The following NR3C2 variants were observed in gnomAD, a reference collection of about 807,000 sequenced individuals.
The protein encoded by NR3C2 is mineralocorticoid receptor.
In NR3C2, 15 loss-of-function variants were observed where a neutral mutation model predicts 86.4. The ratio of observed to expected loss-of-function variants is 0.17; its 90% CI spans 0.12 to 0.27. NR3C2 has a LOEUF of 0.27. NR3C2 is among the 10% of genes least tolerant of loss of function. The probability of loss-of-function intolerance (pLI) is 1.00; values close to 1 mark genes in which losing one functional copy is unlikely to be tolerated. For missense variants in NR3C2, 960 were observed against 1,195.6 expected, an observed-to-expected ratio of 0.80 and a Z score of 2.91; for synonymous variants, 458 against 450.5, an observed-to-expected ratio of 1.02 and a Z score of -0.21.
chr4:148,105,154 G>A (rs191969618), intron 8 of NR3C2, among the ~76,000 whole-genome samples: 9 of 152,158 alleles, frequency 5.9e-5, no homozygotes, highest in Non-Finnish European at 1.2e-4. Context: ...CTAATTATAT[G>A]AACTATGACT....
At chr4:148,297,022 A>C (rs1418828316) in intron 2 of NR3C2, among the ~76,000 whole-genome samples, 1 of 152,230 alleles carries the variant, frequency 6.6e-6, no homozygotes, top group East Asian at 1.9e-4. Flanking sequence ...GCTCAGTTGC[A>C]CTAGCTACAT....
At position 148,436,029 on chromosome 4, in the gene NR3C2, G is replaced by A. The variant is rs201919373; in HGVS notation, c.832C>T (p.His278Tyr). Reference sequence around the variant, plus strand: ...GAGACTGGAGATTTTACACTGCAGTGACTTGGAGGGCTGGAAATTGAGGAT... The same window carrying A: ...GAGACTGGAGATTTTACACTGCAGTAACTTGGAGGGCTGGAAATTGAGGAT... ...MKSSISSPPSHCSVKSPVSSP... is the reference protein window; with the variant it reads ...MKSSISSPPSYCSVKSPVSSP... Residue 278 changes from histidine (H) to tyrosine (Y), a missense_variant, in exon 2 of 9, where the codon CAC becomes TAC. Transcript: ENST00000358102. The A allele has an allele frequency of 6.2e-7, 1 of 1,614,180 alleles. No homozygotes were observed. The highest frequency in any genetic ancestry group is 2.2e-5 in the East Asian group (1 of 44,882).
At chr4:148,199,771 C>T (rs953421780) in intron 3 of NR3C2, among the ~76,000 whole-genome samples, 2 of 152,134 alleles carry the variant, frequency 1.3e-5, no homozygotes, top group Non-Finnish European at 2.9e-5. Flanking sequence ...AAACATAGTC[C>T]ATTTCTTCCA....
chr4:148,131,417 T>C (rs1293128897), intron 6 of NR3C2, among the ~76,000 whole-genome samples: 1 of 152,016 alleles, frequency 6.6e-6, no homozygotes, highest in Admixed American at 6.6e-5. Context: ...AAAAACAGCA[T>C]GCAGAAAAAC....
chr4:148,308,615 G>A (rs931432421), intron 2 of NR3C2, among the ~76,000 whole-genome samples: 1 of 152,132 alleles, frequency 6.6e-6, no homozygotes, highest in African/African-American at 2.4e-5. Context: ...GGAGAGATTT[G>A]TTAAAGGATA....
At chr4:148,376,686 A>C (rs1326866372) in intron 2 of NR3C2, among the ~76,000 whole-genome samples, 1 of 152,236 alleles carries the variant, frequency 6.6e-6, no homozygotes, top group African/African-American at 2.4e-5. Context: ...CTGCCGTCCA[A>C]GGGCAGCTAA....
intron 8 of NR3C2, among the ~76,000 whole-genome samples, chr4:148,087,228 T>A (rs1305830539): frequency 6.6e-6 from 1 of 151,846 alleles, no homozygotes; most frequent in Non-Finnish European, 1.5e-5. Context: ...AAGGACATCT[T>A]CAAGTCTCAA....
At chr4:148,354,569 A>G (rs1011252112) in intron 2 of NR3C2, among the ~76,000 whole-genome samples, 4 of 152,204 alleles carry the variant, frequency 2.6e-5, no homozygotes, top group African/African-American at 9.7e-5. Flanking sequence ...TTGTATTAAC[A>G]AAATGAATTA....
intron 2 of NR3C2, among the ~76,000 whole-genome samples, chr4:148,305,268 C>G (rs140726134): frequency 0.013 from 1,920 of 152,080 alleles, 40 homozygotes; most frequent in African/African-American, 0.044. Flanking sequence ...CTTTTGGGTC[C>G]AGGAAGAAAT....
rs140795554 is a variant in NR3C2 at position 148,224,447 on chromosome 4, A to G, written c.1898-29585T>C. ...CAAGCACTAAATAAATGTTTGTCAC[A>G]TAAGTGTGCAGAATGTTTCTCTCCA... On this transcript the variant is annotated intron_variant, in intron 3 of 8. Coordinates refer to ENST00000358102, the MANE Select transcript of NR3C2 (RefSeq NM_000901.5). Among the ~76,000 whole-genome samples, 853 of 152,352 alleles carry G rather than the reference A, an allele frequency of 5.6e-3. 14 individuals are homozygous for G. Among genetic ancestry groups the G allele is most frequent in the African/African-American group, 0.019 (803 of 41,582 alleles).
At chr4:148,174,089 C>G (rs1405759511) in intron 4 of NR3C2, among the ~76,000 whole-genome samples, 1 of 152,122 alleles carries the variant, frequency 6.6e-6, no homozygotes, top group Non-Finnish European at 1.5e-5. Flanking sequence ...CTAATGGAAG[C>G]TTCAGATTTT....
At chr4:148,413,202 T>C (rs1216772078) in intron 2 of NR3C2, among the ~76,000 whole-genome samples, 7 of 152,194 alleles carry the variant, frequency 4.6e-5, no homozygotes, top group Admixed American at 2.0e-4. Context: ...AGGGTATAAC[T>C]GTATTCTGTT....
At chr4:148,275,034 A>C (rs1475683143) in intron 2 of NR3C2, among the ~76,000 whole-genome samples, 1 of 152,160 alleles carries the variant, frequency 6.6e-6, no homozygotes, top group Non-Finnish European at 1.5e-5. Context: ...AAACGGACTA[A>C]TACAGAGATA....
At chr4:148,100,775 T>C (rs1371935554) in intron 8 of NR3C2, among the ~76,000 whole-genome samples, 4 of 152,260 alleles carry the variant, frequency 2.6e-5, no homozygotes, top group East Asian at 1.9e-4. Context: ...TCCATGTTCA[T>C]AGCAGCACTA....
chr4:148,274,917 C>T (rs773951611), intron 2 of NR3C2, among the ~76,000 whole-genome samples: 1 of 151,932 alleles, frequency 6.6e-6, no homozygotes, highest in African/African-American at 2.4e-5. Context: ...AGGCTGGTCT[C>T]GAACTCCTGA....
At chr4:148,086,452 T>C (rs925129614) in intron 8 of NR3C2, among the ~76,000 whole-genome samples, 1 of 152,148 alleles carries the variant, frequency 6.6e-6, no homozygotes, top group Non-Finnish European at 1.5e-5. Context: ...AAACTCCCAA[T>C]AGCTGGGCGC....
intron 3 of NR3C2, among the ~76,000 whole-genome samples, chr4:148,215,134 G>C (rs142384428): frequency 6.6e-6 from 1 of 152,266 alleles, no homozygotes; most frequent in African/African-American, 2.4e-5. Flanking sequence ...CTGGCATTCG[G>C]ATAAATAACA....
chr4:148,164,264 T>C (rs142525913), intron 4 of NR3C2, among the ~76,000 whole-genome samples: 2 of 152,298 alleles, frequency 1.3e-5, no homozygotes, highest in East Asian at 3.9e-4. Context: ...AACAATTTTA[T>C]CTGACTAGAT....
intron 6 of NR3C2, among the ~76,000 whole-genome samples, chr4:148,128,736 C>T (rs1732867406): frequency 1.3e-5 from 2 of 152,206 alleles, no homozygotes; most frequent in African/African-American, 2.4e-5. Context: ...ATGCTTACCA[C>T]TCAACTCCTT....
Sources: allele counts gnomAD v4.1 joint callset (sites outside exome capture counted in the v4.1 genomes callset), GRCh38; gene constraint gnomAD v4.1.1; transcripts MANE v1.5; gene names NCBI Gene and HGNC (gene_info 2026-07-23, HGNC 2026-07-21).